Variants in NF1 observed in about 807,000 individuals in gnomAD.
NF1 encodes neurofibromin.
NF1 carries 122 observed loss-of-function variants against 325.7 expected under a neutral mutation model. The observed-to-expected ratio is 0.37, with a 90% CI of 0.32 to 0.44. The LOEUF (loss-of-function observed/expected upper bound fraction) is 0.44. Among genes scored for constraint, NF1 ranks in the 20% least tolerant of loss-of-function variants. The pLI, the probability that NF1 is intolerant of heterozygous loss-of-function variation, is 1.00. For missense variants in NF1, 2,140 were observed against 3,415.4 expected, an observed-to-expected ratio of 0.63 and a Z score of 9.31; for synonymous variants, 1,091 against 1,186.0, an observed-to-expected ratio of 0.92 and a Z score of 1.65.
chr17:31,346,808 A>T (rs1397579662), intron 48 of NF1, among the ~76,000 whole-genome samples: 1 of 149,572 alleles, frequency 6.7e-6, no homozygotes, highest in East Asian at 1.9e-4. Context: ...CCTGGGATGA[A>T]AGAATTTGGC....
At chr17:31,166,197 TC>T (rs950771280) in intron 4 of NF1, among the ~76,000 whole-genome samples, 2 of 152,188 alleles carry the variant, frequency 1.3e-5, no homozygotes, top group Non-Finnish European at 2.9e-5. Context: ...ACTTTAAAAG[TC>T]ATTTGGTTCT....
intron 4 of NF1, among the ~76,000 whole-genome samples, chr17:31,168,019 C>T (rs2065872735): frequency 6.6e-6 from 1 of 152,132 alleles, no homozygotes; most frequent in African/African-American, 2.4e-5. Context: ...TATAAAGTTT[C>T]ATTCGTGTTT....
chr17:31,119,702 G>A (rs1413226271), intron 1 of NF1, among the ~76,000 whole-genome samples: 1 of 152,144 alleles, frequency 6.6e-6, no homozygotes, highest in East Asian at 1.9e-4. Context: ...TGTCCTGAAT[G>A]GTATTGCCTA....
intron 36 of NF1, among the ~76,000 whole-genome samples, chr17:31,315,693 G>A (rs2069003261): frequency 2.0e-5 from 3 of 152,080 alleles, no homozygotes; most frequent in South Asian, 2.1e-4. Flanking sequence ...AGCTTATTGT[G>A]GAATTAAATA....
chr17:31,322,212 C>T (rs1209774069), intron 36 of NF1, among the ~76,000 whole-genome samples: 1 of 152,028 alleles, frequency 6.6e-6, no homozygotes, highest in Non-Finnish European at 1.5e-5. Flanking sequence ...AACACGGTGG[C>T]TCACACCTGT....
At chr17:31,189,562 A>G (rs1197604263) in intron 8 of NF1, among the ~76,000 whole-genome samples, 3 of 152,178 alleles carry the variant, frequency 2.0e-5, no homozygotes, top group African/African-American at 7.2e-5. Context: ...GCCCTTGGCA[A>G]CCAGTAATCT....
chr17:31,119,025 T>C (rs1914201641), intron 1 of NF1, among the ~76,000 whole-genome samples: 1 of 151,764 alleles, frequency 6.6e-6, no homozygotes, highest in South Asian at 2.1e-4. Context: ...CACTGCAACC[T>C]CCGCCTGCCA....
chr17:31,187,303 A>G (rs2066258646), intron 8 of NF1, among the ~76,000 whole-genome samples: 1 of 152,074 alleles, frequency 6.6e-6, no homozygotes, highest in Non-Finnish European at 1.5e-5. Flanking sequence ...GGTTCAAGCG[A>G]TTCTCCTGCC....
At chr17:31,332,062 G>A (rs984638079) in intron 39 of NF1, among the ~76,000 whole-genome samples, 9 of 151,508 alleles carry the variant, frequency 5.9e-5, no homozygotes, top group African/African-American at 9.7e-5. Context: ...AGGAAATAGC[G>A]AACAGATTTG....
chr17:31,210,599 C>G (rs545634713), intron 12 of NF1, among the ~76,000 whole-genome samples: 2 of 151,788 alleles, frequency 1.3e-5, no homozygotes, highest in East Asian at 3.9e-4. Context: ...GAAACAAAAA[C>G]AAAAAACAAA....
chr17:31,313,812 A>G (rs1306857533), intron 36 of NF1, among the ~76,000 whole-genome samples: 1 of 151,954 alleles, frequency 6.6e-6, no homozygotes. Context: ...ATATTTTTCT[A>G]AGGCAAGCTG....
Position 31,258,366 on chromosome 17 carries a change from A to G in NF1, c.4196A>G (p.Gln1399Arg). 1 of 1,613,968 alleles carries G rather than the reference A, an allele frequency of 6.2e-7. No individual in the cohort carries two copies. Among genetic ancestry groups the G allele is most frequent in the Non-Finnish European group, 8.5e-7 (1 of 1,179,898 alleles). Reference sequence around the variant, plus strand: ...TAGGTGGTTAGCCAGCGTTTCCCTCAGAACAGCATCGGTGCAGTAGGAAGT... The same window carrying G: ...TAGGTGGTTAGCCAGCGTTTCCCTCGGAACAGCATCGGTGCAGTAGGAAGT... ...KKSVVSQRFP[Q>R]NSIGAVGSAM... Residue 1399 changes from glutamine to arginine, a missense_variant, in exon 32 of 58, where the codon CAG becomes CGG. Gln to Arg is a conservative substitution (Grantham distance 43, BLOSUM62 1). Transcript: ENST00000358273.
rs1004034830 is a variant in NF1 at position 31,320,168 on chromosome 17, A to G, written c.4836-5652A>G. Among the ~76,000 whole-genome samples the G allele has an allele frequency of 3.3e-5, 5 of 152,246 alleles. No individual in the cohort carries two copies. The East Asian group carries it at 5.8e-4, about 18-fold the overall frequency. ...TTATTAAGGTATCTTATAATAATAT[A>G]CCAGTTTGTCTTGAGCTACTTTTGA... On this transcript the variant is annotated intron_variant, in intron 36 of 57. Transcript: ENST00000358273.
intron 22 of NF1, 36 bp from the exon 23 acceptor site, chr17:31,230,224 T>A: frequency 6.2e-7 from 1 of 1,609,364 alleles, no homozygotes; most frequent in East Asian, 2.2e-5. Flanking sequence ...TTTGTCTATA[T>A]CTGATAATTT....
intron 17 of NF1, 92 bp downstream of exon 17, chr17:31,225,342 G>A (rs947207962): frequency 8.4e-6 from 12 of 1,420,476 alleles, no homozygotes; most frequent in Non-Finnish European, 1.2e-5. Flanking sequence ...GTAATATAGT[G>A]TAATAGTGAA....
intron 51 of NF1, among the ~76,000 whole-genome samples, chr17:31,354,936 T>C (rs1291744689): frequency 6.6e-6 from 1 of 152,244 alleles, no homozygotes; most frequent in Non-Finnish European, 1.5e-5. Flanking sequence ...TCAGAAGCTT[T>C]TAGTTTTAAA....
chr17:31,301,776 G>A (rs1318043724), intron 36 of NF1, among the ~76,000 whole-genome samples: 2 of 152,138 alleles, frequency 1.3e-5, no homozygotes, highest in East Asian at 3.8e-4. Flanking sequence ...CAAACAAAAG[G>A]AGTTGAACCA....
intron 14 of NF1, among the ~76,000 whole-genome samples, chr17:31,220,988 A>G (rs1450487188): frequency 6.6e-6 from 1 of 152,144 alleles, no homozygotes; most frequent in East Asian, 1.9e-4. Flanking sequence ...AGTAATTACA[A>G]TAAAAATGTT....
chr17:31,164,779 AC>A (rs1349124702), intron 4 of NF1, among the ~76,000 whole-genome samples: 14 of 152,318 alleles, frequency 9.2e-5, no homozygotes, highest in Admixed American at 5.9e-4. Context: ...ATATTTTTCA[AC>A]CTCAATGCAA....
Sources: allele counts gnomAD v4.1 joint callset (sites outside exome capture counted in the v4.1 genomes callset), GRCh38; gene constraint gnomAD v4.1.1; transcripts MANE v1.5; gene names NCBI Gene and HGNC (gene_info 2026-07-23, HGNC 2026-07-21).